CALD1: variants seen among roughly 807,000 people sequenced by gnomAD.
The protein encoded by CALD1 is caldesmon.
Under a neutral mutation model 99.9 loss-of-function variants are expected in CALD1, and 33 were observed. The observed-to-expected ratio is 0.33, with a 90% CI of 0.25 to 0.44. The LOEUF (loss-of-function observed/expected upper bound fraction) is 0.44, where lower values mean the gene tolerates loss of function less well. Ranked by LOEUF, CALD1 falls within the 20% of genes least tolerant of loss-of-function variation. CALD1 has a pLI of 1.00. For missense variants in CALD1, 861 were observed against 962.1 expected (o/e 0.89, Z 1.39); for synonymous variants, 310 against 325.0 (o/e 0.95, Z 0.50).
chr7:134,799,326 T>A (rs1214780480), intron 1 of CALD1, among the ~76,000 whole-genome samples: 1 of 152,168 alleles, frequency 6.6e-6, no homozygotes, highest in Non-Finnish European at 1.5e-5. Context: ...CATCTAAGTA[T>A]AAATAAAGTT....
chr7:134,827,259 T>C (rs1799034989), intron 1 of CALD1, among the ~76,000 whole-genome samples: 1 of 152,224 alleles, frequency 6.6e-6, no homozygotes, highest in South Asian at 2.1e-4. Flanking sequence ...CAGATCTCCC[T>C]ATCTCAGTGG....
chr7:134,895,201 GA>G (rs1398595708), intron 3 of CALD1, among the ~76,000 whole-genome samples: 3 of 151,870 alleles, frequency 2.0e-5, no homozygotes, highest in Non-Finnish European at 4.4e-5. Flanking sequence ...AGAATATTGA[GA>G]TTTGTCAAAA....
At position 134,956,742 on chromosome 7, in the gene CALD1, G is replaced by A. The variant is rs554213256; in HGVS notation, c.1936-1327G>A. On this transcript the variant is annotated intron_variant, in intron 9 of 14. Coordinates refer to ENST00000361675, the MANE Select transcript of CALD1 (RefSeq NM_033138.4). ...CTAAAATCCAGTAGATTTCTTGACT[G>A]TCCTGAACAGGGAAGAAAATGGAAC... Among the ~76,000 whole-genome samples the A allele has an allele frequency of 3.3e-5, 5 of 152,310 alleles. No homozygotes were observed. In the South Asian group the frequency reaches 8.3e-4, roughly 25 times the overall value.
At chr7:134,911,754 G>T (rs970609998) in intron 3 of CALD1, among the ~76,000 whole-genome samples, 8 of 152,210 alleles carry the variant, frequency 5.3e-5, no homozygotes, top group Non-Finnish European at 1.2e-4. Flanking sequence ...TTTCTTGACT[G>T]CAGTTAACTA....
intron 1 of CALD1, among the ~76,000 whole-genome samples, chr7:134,758,501 G>GGGGTGTGTGT (rs574733386): frequency 1.4e-5 from 2 of 145,128 alleles, no homozygotes; most frequent in Admixed American, 7.0e-5. Context: ...CTCCCATTGG[G>GGGGTGTGTGT]GTGTGTGTGT....
chr7:134,765,540 C>G (rs1385949924), intron 1 of CALD1, among the ~76,000 whole-genome samples: 1 of 152,120 alleles, frequency 6.6e-6, no homozygotes, highest in Non-Finnish European at 1.5e-5. Context: ...TGTACATCTG[C>G]CAGCAAAAGG....
intron 1 of CALD1, among the ~76,000 whole-genome samples, chr7:134,822,827 T>C (rs1798835278): frequency 6.6e-6 from 1 of 152,240 alleles, no homozygotes; most frequent in African/African-American, 2.4e-5. Flanking sequence ...CTATGTTCTA[T>C]TTGGCGATAT....
At chr7:134,754,910 T>C (rs1246814638) in intron 1 of CALD1, among the ~76,000 whole-genome samples, 1 of 152,208 alleles carries the variant, frequency 6.6e-6, no homozygotes, top group Non-Finnish European at 1.5e-5. Context: ...TTATTTTAAA[T>C]AGGTATTGTC....
the CALD1 span, among the ~76,000 whole-genome samples, chr7:134,729,969 C>G: frequency 6.6e-6 from 1 of 152,034 alleles, no homozygotes; most frequent in Non-Finnish European, 1.5e-5. Flanking sequence ...ACCCGGAGCC[C>G]CAGAGTGCGG....
rs574574768 is a variant in CALD1, at chr7:134,845,765, G to A, written c.-42+1794G>A. ...AGAGGGAGAGGAGCAGTGGCTTAAA[G>A]ATTCCATCAGAAATTGTGTATGGAA... On this transcript the variant is annotated intron_variant, in intron 2 of 14. Transcript: ENST00000361675. 9.2e-5 allele frequency among the ~76,000 whole-genome samples: 14 copies of A among 152,090 alleles called. No individual in the cohort carries two copies. In the South Asian group the frequency reaches 2.9e-3, roughly 32 times the overall value.
the CALD1 span, among the ~76,000 whole-genome samples, chr7:134,738,212 A>G: frequency 6.6e-6 from 1 of 152,148 alleles, no homozygotes; most frequent in Admixed American, 6.5e-5. Flanking sequence ...ACTCACTCCA[A>G]TTCTGCGGGA....
At chr7:134,741,784 C>T (rs1796594419), upstream of CALD1, among the ~76,000 whole-genome samples, 1 of 152,192 alleles carries the variant, frequency 6.6e-6, no homozygotes, top group Admixed American at 6.5e-5. Context: ...CTCCAAATTG[C>T]CTTGTGAATT....
At chr7:134,712,058 G>A in the CALD1 span, among the ~76,000 whole-genome samples, 3 of 139,220 alleles carry the variant, frequency 2.2e-5, no homozygotes, top group African/African-American at 5.3e-5. Context: ...AGGGAGGGAG[G>A]GAGGGAGGGA....
At chr7:134,737,127 CAT>C in the CALD1 span, among the ~76,000 whole-genome samples, 1 of 152,076 alleles carries the variant, frequency 6.6e-6, no homozygotes, top group South Asian at 2.1e-4. Context: ...ATGGTAACTA[CAT>C]ATATACTTGT....
At chr7:134,861,564 T>C (rs986539481) in intron 2 of CALD1, among the ~76,000 whole-genome samples, 4 of 152,180 alleles carry the variant, frequency 2.6e-5, no homozygotes, top group African/African-American at 9.7e-5. Context: ...ACAAGCCTGG[T>C]GGAACTTTAA....
chr7:134,969,904 A>G lies in CALD1; in HGVS notation c.*1559A>G, dbSNP rs1292409818. ...AACTCATACCTCAGTGGACTTAACC[A>G]AAATTGTGTTAGTCTCAATTCCTAC... is the stretch of plus-strand genomic sequence containing the variant. On this transcript the variant is annotated 3_prime_UTR_variant, in exon 15 of 15. Transcript: ENST00000361675. 1 of 152,646 alleles carries G rather than the reference A, an allele frequency of 6.6e-6. No homozygotes were observed. 9.5% of individuals were successfully genotyped at this position (152,646 alleles called of 1,614,324 possible).
Position 134,968,618 on chromosome 7 carries a change from G to A in CALD1, c.*273G>A, listed in dbSNP as rs2133311895. 1 of 661,498 alleles carries A rather than the reference G, an allele frequency of 1.5e-6. No homozygotes were observed. The highest frequency in any genetic ancestry group is 3.0e-5 in the East Asian group (1 of 33,680). The allele number at this position is 661,498 out of a possible 1,614,324, so 41.0% of individuals were successfully genotyped here. ...CTTTTCTACTGATCATCATAACTCT[G>A]TATCTGAGCAGTGATACCAACCACA... On this transcript the variant is annotated 3_prime_UTR_variant, in exon 15 of 15. Transcript: ENST00000361675.
At position 134,970,334 on chromosome 7, in the gene CALD1, T is replaced by G. The variant is rs888333091; in HGVS notation, c.*1989T>G. The G allele has an allele frequency of 6.6e-6, 1 of 152,280 alleles. No individual in the cohort carries two copies. The highest frequency in any genetic ancestry group is 1.5e-5 in the Non-Finnish European group (1 of 68,040). 9.4% of individuals were successfully genotyped at this position (152,280 alleles called of 1,614,324 possible). A position where few individuals can be genotyped will look rare whatever the true frequency, so the allele number is the denominator to read the frequency against. On this transcript the variant is annotated 3_prime_UTR_variant, in exon 15 of 15. Transcript: ENST00000361675. The stretch of plus-strand genomic sequence containing the variant: ...CACTATTACATATTTTTCTAGAAAA[T>G]CTAAAGTTCAGAAGAGAATGTATCA...
upstream of CALD1, among the ~76,000 whole-genome samples, chr7:134,740,504 T>C (rs1285108165): frequency 6.6e-6 from 1 of 152,200 alleles, no homozygotes; most frequent in African/African-American, 2.4e-5. Context: ...CTGGGGGTCT[T>C]GTTTGACCAA....
Sources: gnomAD v4.1 joint callset for allele counts (sites outside exome capture counted in the v4.1 genomes callset) on GRCh38, gnomAD v4.1.1 for gene constraint, MANE v1.5 for transcripts, NCBI Gene and HGNC (gene_info 2026-07-23, HGNC 2026-07-21) for gene names.